The following CACNA1B variants were observed in gnomAD, a reference collection of about 807,000 sequenced individuals.
The protein encoded by CACNA1B is calcium voltage-gated channel subunit alpha1 B, also known as voltage-dependent N-type calcium channel subunit alpha-1B.
CACNA1B carries 70 observed loss-of-function variants against 247.2 expected under a neutral mutation model. The ratio of observed to expected loss-of-function variants is 0.28; its 90% CI spans 0.23 to 0.35. The LOEUF is 0.35. Among genes scored for constraint, CACNA1B ranks in the 10% least tolerant of loss-of-function variants. The pLI is 1.00. For synonymous variants in CACNA1B, 1,231 were observed against 1,294.4 expected, an observed-to-expected ratio of 0.95 and a Z score of 1.05; for missense variants, 2,367 against 3,197.4, an observed-to-expected ratio of 0.74 and a Z score of 6.26.
chr9:137,903,159 G>A (rs923871307), intron 3 of CACNA1B, among the ~76,000 whole-genome samples: 2 of 152,060 alleles, frequency 1.3e-5, no homozygotes, highest in Admixed American at 1.3e-4. Flanking sequence ...TGAGGCGGGC[G>A]GATCACGGGG....
intron 6 of CACNA1B, among the ~76,000 whole-genome samples, chr9:137,920,456 C>A (rs1253386286): frequency 1.3e-5 from 2 of 152,188 alleles, no homozygotes; most frequent in African/African-American, 4.8e-5. Flanking sequence ...CTCAGCCTCC[C>A]AAAGTGCTGG....
intron 6 of CACNA1B, among the ~76,000 whole-genome samples, chr9:137,930,913 T>TA (rs1266743400): frequency 6.6e-6 from 1 of 152,206 alleles, no homozygotes; most frequent in African/African-American, 2.4e-5. Flanking sequence ...CACTCCAATT[T>TA]AAAAAAATTA....
In CACNA1B at chr9:138,011,850, A is replaced by G. The variant is rs1445522745; in HGVS notation, c.2161-1279A>G. Among the ~76,000 whole-genome samples, 1 of 152,150 alleles carries G rather than the reference A, an allele frequency of 6.6e-6. No homozygotes were observed. The highest frequency in any genetic ancestry group is 1.9e-4 in the East Asian group (1 of 5,178). On this transcript the variant is annotated intron_variant, in intron 17 of 46. Coordinates refer to ENST00000371372, the MANE Select transcript of CACNA1B (RefSeq NM_000718.4). The surrounding 1 kb of genome is among the most constrained non-coding windows in gnomAD (Gnocchi z 4.2). ...CAGATTCAAGGACATTTTAGGGAAC[A>G]CTGGGAATGCTGGCTCCCAGGGGAG...
In CACNA1B at chr9:138,025,022, A is replaced by G; in HGVS notation, c.3136A>G (p.Thr1046Ala). ...GGGTCCCATGCACACACTGCCCAGC[A>G]CCTGTCTCCAGAAGGTGGAGGAACA... The part of the protein sequence containing the change: ...TVGPMHTLPS[T>A]CLQKVEEQPE... The change falls in exon 20 of 47, where the codon ACC becomes GCC. Residue 1046 changes from threonine to alanine, a missense_variant. Coordinates refer to ENST00000371372, the MANE Select transcript of CACNA1B (RefSeq NM_000718.4). The G allele has an allele frequency of 6.2e-7, 1 of 1,604,530 alleles. No individual in the cohort carries two copies. Among genetic ancestry groups the G allele is most frequent in the Admixed American group, 1.7e-5 (1 of 58,740 alleles).
chr9:138,117,295 T>A (rs944567913), intron 42 of CACNA1B, among the ~76,000 whole-genome samples: 1 of 142,948 alleles, frequency 7.0e-6, no homozygotes, highest in African/African-American at 2.8e-5. Flanking sequence ...GGGGGGGGGG[T>A]CAGAGAAGTA....
In CACNA1B at chr9:137,986,428, G is replaced by C. The variant is rs201531447; in HGVS notation, c.1785G>C (p.Leu595=). 6.2e-7 allele frequency: 1 copy of C among 1,613,892 alleles called. No homozygotes were observed. Among genetic ancestry groups the C allele is most frequent in the Non-Finnish European group, 8.5e-7 (1 of 1,179,830 alleles). Reference sequence around the variant, plus strand: ...GGCCCCGCAGGTACTGGAGCTCCCTGCGGAACCTGGTGGTGTCCCTGCTGA... The same window carrying C: ...GGCCCCGCAGGTACTGGAGCTCCCTCCGGAACCTGGTGGTGTCCCTGCTGA... ...IFKVTKYWSS[L]RNLVVSLLNS... is the part of the protein sequence containing the mutation. Residue 595 remains leucine (L), a synonymous_variant, in exon 14 of 47, where the codon CTG becomes CTC. Transcript: ENST00000371372. This position sits in a 1 kb window ranked among gnomAD's most constrained non-coding sequence, Gnocchi z 6.0.
chr9:137,931,316 CT>C (rs953332107), intron 6 of CACNA1B, among the ~76,000 whole-genome samples: 8 of 152,138 alleles, frequency 5.3e-5, no homozygotes, highest in Non-Finnish European at 1.2e-4. Flanking sequence ...TGGTTAGCTG[CT>C]TACACCCTGT....
In CACNA1B at chr9:138,057,654, G is replaced by T; in HGVS notation, c.3969-78G>T. 7.1e-7 allele frequency: 1 copy of T among 1,415,432 alleles called. No individual in the cohort carries two copies. Among genetic ancestry groups the T allele is most frequent in the Non-Finnish European group, 9.7e-7 (1 of 1,031,088 alleles). The allele number at this position is 1,415,432 out of a possible 1,614,324, so 87.7% of individuals were successfully genotyped here. On this transcript the variant is annotated intron_variant, in intron 26 of 46. Coordinates refer to ENST00000371372, the MANE Select transcript of CACNA1B (RefSeq NM_000718.4). The surrounding 1 kb of genome is among the most constrained non-coding windows in gnomAD (Gnocchi z 4.0). The stretch of plus-strand genomic sequence containing the variant: ...AGAGGCCATTCTTTCCCCACGGAAT[G>T]GTTTCAACACTCTTGATAGGTGGGT...
intron 10 of CACNA1B, among the ~76,000 whole-genome samples, chr9:137,968,560 C>G (rs991704220): frequency 6.6e-6 from 1 of 152,248 alleles, no homozygotes; most frequent in African/African-American, 2.4e-5. Flanking sequence ...TTTTGTTGCC[C>G]CCAGTGGCAA....
chr9:138,039,323 A>G (rs1237346119), intron 20 of CACNA1B, among the ~76,000 whole-genome samples: 1 of 151,870 alleles, frequency 6.6e-6, no homozygotes, highest in East Asian at 1.9e-4. Flanking sequence ...TCTATCCTGA[A>G]ACTGTCTTTT....
intron 3 of CACNA1B, among the ~76,000 whole-genome samples, chr9:137,909,179 G>A (rs1214552344): frequency 2.6e-5 from 4 of 151,754 alleles, no homozygotes; most frequent in South Asian, 2.1e-4. Context: ...TAGTAGAGAC[G>A]GGGTTTCTCC....
chr9:137,977,836 T>C (rs1958238895), intron 12 of CACNA1B, among the ~76,000 whole-genome samples: 2 of 151,674 alleles, frequency 1.3e-5, no homozygotes, highest in Admixed American at 1.3e-4. Flanking sequence ...AGTGGGAGCA[T>C]TGCCCCTCTC....
intron 26 of CACNA1B, among the ~76,000 whole-genome samples, chr9:138,055,779 C>T (rs1959472976): frequency 6.6e-6 from 1 of 152,160 alleles, no homozygotes; most frequent in South Asian, 2.1e-4. Context: ...GTAATCCCAG[C>T]ACTTTGGGAG....
chr9:138,060,923 C>T (rs2133510401), intron 31 of CACNA1B, among the ~76,000 whole-genome samples: 1 of 152,322 alleles, frequency 6.6e-6, no homozygotes, highest in South Asian at 2.1e-4. Flanking sequence ...GTCCCCACCA[C>T]CCTTTCTAGA....
chr9:138,024,564 G>C (rs1958896584), intron 19 of CACNA1B, among the ~76,000 whole-genome samples: 1 of 152,218 alleles, frequency 6.6e-6, no homozygotes, highest in East Asian at 1.9e-4. Context: ...AGAGCAGGTG[G>C]TTATGGATTT....
chr9:138,096,791 C>G (rs2131342633), intron 37 of CACNA1B, among the ~76,000 whole-genome samples, 180 bp downstream of exon 37: 1 of 147,994 alleles, frequency 6.8e-6, no homozygotes, highest in East Asian at 2.0e-4. Context: ...GCAGCACCTC[C>G]CTTTTCCATC....
intron 6 of CACNA1B, among the ~76,000 whole-genome samples, chr9:137,930,168 G>T (rs550674842): frequency 1.1e-4 from 17 of 152,326 alleles, no homozygotes; most frequent in Middle Eastern, 6.8e-3. Context: ...GCTGGGCGCA[G>T]TGGCTCACGC....
chr9:138,052,212 G>C lies in CACNA1B; in HGVS notation c.3807+24G>C, dbSNP rs752372648. ...AGGTTAGAGCCTGGAGTTGGGGCTT[G>C]AGGGATGTGCTGTGTGTGTGTGCGT... On this transcript the variant is annotated intron_variant, in intron 25 of 46. Transcript: ENST00000371372. This position sits in a 1 kb window ranked among gnomAD's most constrained non-coding sequence, Gnocchi z 5.1. 5.3e-5 allele frequency: 74 copies of C among 1,396,580 alleles called. No homozygotes were observed. Among genetic ancestry groups the C allele is most frequent in the South Asian group, 2.8e-4 (24 of 84,570 alleles). The allele number at this position is 1,396,580 out of a possible 1,614,324, so 86.5% of individuals were successfully genotyped here. A position where few individuals can be genotyped will look rare whatever the true frequency, so the allele number is the denominator to read the frequency against.
chr9:138,002,662 G>T (rs1167726414), intron 15 of CACNA1B, among the ~76,000 whole-genome samples: 1 of 151,900 alleles, frequency 6.6e-6, no homozygotes, highest in African/African-American at 2.4e-5. Context: ...AGCTAGGATC[G>T]TGCCACTGCG....
Sources: allele counts gnomAD v4.1 joint callset (sites outside exome capture counted in the v4.1 genomes callset), GRCh38; gene constraint gnomAD v4.1.1; non-coding constraint Gnocchi (gnomAD v3.1); transcripts MANE v1.5; gene names NCBI Gene and HGNC (gene_info 2026-07-23, HGNC 2026-07-21).